HECW1: variants seen among roughly 807,000 people sequenced by gnomAD.
HECW1 encodes the protein E3 ubiquitin-protein ligase HECW1.
Under a neutral mutation model 182.3 loss-of-function variants are expected in HECW1, and 61 were observed. The ratio of observed to expected loss-of-function variants is 0.33; its 90% CI spans 0.27 to 0.41. HECW1 has a LOEUF of 0.41. Among genes scored for constraint, HECW1 ranks in the 10% least tolerant of loss-of-function variants. The probability of loss-of-function intolerance (pLI) is 1.00; values close to 1 mark genes in which losing one functional copy is unlikely to be tolerated. For synonymous variants in HECW1, 859 were observed against 832.6 expected (o/e 1.03, Z -0.55); for missense variants, 1,739 against 2,108.9 (o/e 0.82, Z 3.44).
chr7:43,372,995 T>C (rs1043563481), intron 6 of HECW1, among the ~76,000 whole-genome samples: 5 of 152,130 alleles, frequency 3.3e-5, no homozygotes, highest in Admixed American at 1.3e-4. Context: ...CTGAAACCCA[T>C]GATTTAATTA....
intron 3 of HECW1, among the ~76,000 whole-genome samples, chr7:43,269,454 C>T (rs2152739779): frequency 6.6e-6 from 1 of 152,332 alleles, no homozygotes; most frequent in East Asian, 1.9e-4. Context: ...ACGCCCATGG[C>T]ATTTCACTAA....
chr7:43,207,624 C>A (rs1795610222), intron 2 of HECW1: 1 of 152,160 alleles, frequency 6.6e-6, no homozygotes, highest in Non-Finnish European at 1.5e-5. Context: ...TCTCCCTATC[C>A]TTCCCTCCCC....
At chr7:43,119,473 C>T (rs185345878) in intron 2 of HECW1, among the ~76,000 whole-genome samples, 112 of 152,270 alleles carry the variant, frequency 7.4e-4, no homozygotes, top group African/African-American at 2.4e-3. Flanking sequence ...CCTTTAAATG[C>T]GGGTACGGGG....
At position 43,254,259 on chromosome 7, in the gene HECW1, TC is replaced by T. The variant is rs57637215; in HGVS notation, c.27+10329del. Reference sequence around the variant, plus strand: ...GACCAAACACAGAAGATCTTTTTTTTCCAGTGGAGAATCAATGACCACTGAG... The same window carrying T: ...GACCAAACACAGAAGATCTTTTTTTTCAGTGGAGAATCAATGACCACTGAG... On this transcript the variant is annotated intron_variant, in intron 3 of 29. Coordinates refer to ENST00000395891, the MANE Select transcript of HECW1 (RefSeq NM_015052.5). Among the ~76,000 whole-genome samples the T allele has an allele frequency of 2.1e-3, 317 of 152,308 alleles. 1 individual carries two copies. The highest frequency in any genetic ancestry group is 6.7e-3 in the African/African-American group (279 of 41,556).
At chr7:43,297,509 G>A (rs890731845) in intron 3 of HECW1, among the ~76,000 whole-genome samples, 1 of 152,184 alleles carries the variant, frequency 6.6e-6, no homozygotes, top group Non-Finnish European at 1.5e-5. Flanking sequence ...GGAGAAGAGT[G>A]GTTCAGGCAC....
At chr7:43,494,955 G>A (rs191063398) in intron 19 of HECW1, among the ~76,000 whole-genome samples, 3 of 152,164 alleles carry the variant, frequency 2.0e-5, no homozygotes, top group East Asian at 3.9e-4. Flanking sequence ...TTGTCTTTCC[G>A]GGAATGACTT....
intron 8 of HECW1, among the ~76,000 whole-genome samples, chr7:43,434,899 G>A (rs1345557746): frequency 4.6e-5 from 7 of 152,110 alleles, no homozygotes; most frequent in Non-Finnish European, 7.4e-5. Flanking sequence ...GTTTTTCCTT[G>A]TGAAAATAAT....
chr7:43,462,118 G>A (rs1404975477), intron 13 of HECW1, among the ~76,000 whole-genome samples: 2 of 152,164 alleles, frequency 1.3e-5, no homozygotes, highest in African/African-American at 2.4e-5. Flanking sequence ...TGTGCAGCGA[G>A]CATCCCCGTG....
At chr7:43,224,453 G>A (rs1797248660) in intron 2 of HECW1, among the ~76,000 whole-genome samples, 1 of 152,188 alleles carries the variant, frequency 6.6e-6, no homozygotes, top group Admixed American at 6.5e-5. Context: ...TGTGGCATTT[G>A]TACTTGTGCA....
At chr7:43,235,759 G>A (rs1798274172) in intron 2 of HECW1, among the ~76,000 whole-genome samples, 1 of 152,094 alleles carries the variant, frequency 6.6e-6, no homozygotes, top group Non-Finnish European at 1.5e-5. Context: ...CATCTTGGTG[G>A]GGAGTCCTGA....
chr7:43,513,917 C>T (rs2152932133), intron 24 of HECW1, among the ~76,000 whole-genome samples: 1 of 152,324 alleles, frequency 6.6e-6, no homozygotes, highest in Middle Eastern at 3.4e-3. Flanking sequence ...CACCCATGGA[C>T]ACTGTGGTCA....
chr7:43,155,478 T>C (rs896428229), intron 2 of HECW1, among the ~76,000 whole-genome samples: 1 of 152,186 alleles, frequency 6.6e-6, no homozygotes, highest in Non-Finnish European at 1.5e-5. Context: ...GGAAAACAAA[T>C]TCATCTTATA....
intron 2 of HECW1, among the ~76,000 whole-genome samples, chr7:43,166,232 C>A (rs1340574385): frequency 7.9e-5 from 12 of 152,164 alleles, no homozygotes; most frequent in Non-Finnish European, 1.5e-4. Context: ...TACAGGCACC[C>A]ACCACCACAG....
rs181061831 is a variant in HECW1 at position 43,503,643 on chromosome 7, G to A, written c.3631+2321G>A. Among the ~76,000 whole-genome samples, 26 of 152,234 alleles carry A rather than the reference G, an allele frequency of 1.7e-4. No homozygotes were observed. The East Asian group carries it at 5.0e-3, about 29-fold the overall frequency. ...CTCTAGCATTGACCACAGGGTCCTA[G>A]AATATGTAATCCAAATACGTTGATT... On this transcript the variant is annotated intron_variant, in intron 21 of 29. Coordinates refer to ENST00000395891, the MANE Select transcript of HECW1 (RefSeq NM_015052.5).
rs75848164 is a variant in HECW1 at position 43,254,143 on chromosome 7, A to G, written c.27+10211A>G. Among the ~76,000 whole-genome samples, 796 of 152,334 alleles carry G rather than the reference A, an allele frequency of 5.2e-3. 4 individuals carry two copies. Among genetic ancestry groups the G allele is most frequent in the East Asian group, 0.021 (110 of 5,184 alleles). On this transcript the variant is annotated intron_variant, in intron 3 of 29. Transcript: ENST00000395891. ...TGATTGACTGGTAATGAATATCCCC[A>G]GATTAGATGAACAATTGCCTGGGAA...
At chr7:43,481,561 CTTGCATTACCTG>C (rs2078434647) in intron 17 of HECW1, among the ~76,000 whole-genome samples, 1 of 152,210 alleles carries the variant, frequency 6.6e-6, no homozygotes, top group Non-Finnish European at 1.5e-5. Flanking sequence ...ATGGACACCA[CTTGCATTACCTG>C]TTTTAAAACA....
At position 43,545,956 on chromosome 7, in the gene HECW1, G is replaced by A. The variant is rs2081542681; in HGVS notation, c.4248+3958G>A. 3.9e-5 allele frequency among the ~76,000 whole-genome samples: 6 copies of A among 152,020 alleles called. No homozygotes were observed. In the South Asian group the frequency reaches 1.0e-3, roughly 26 times the overall value. ...TATATAGTACCAATCCTTTGCTTTA[G>A]TTTCAGTGCCCATATCTAGAAAGGT... On this transcript the variant is annotated intron_variant, in intron 26 of 29. Coordinates refer to ENST00000395891, the MANE Select transcript of HECW1 (RefSeq NM_015052.5).
chr7:43,544,593 A>ACG (rs1469647636), intron 26 of HECW1, among the ~76,000 whole-genome samples: 1 of 104,082 alleles, frequency 9.6e-6, no homozygotes, highest in Non-Finnish European at 2.2e-5. Flanking sequence ...TTGACTCAGC[A>ACG]CACGTCTAGA....
intron 5 of HECW1, among the ~76,000 whole-genome samples, chr7:43,343,711 G>T (rs762970048): frequency 2.8e-4 from 43 of 151,908 alleles, no homozygotes; most frequent in Admixed American, 5.2e-4. Context: ...ATTGTGAATA[G>T]TGCCGCAATA....
Sources: allele counts gnomAD v4.1 joint callset (sites outside exome capture counted in the v4.1 genomes callset), GRCh38; gene constraint gnomAD v4.1.1; transcripts MANE v1.5; gene names NCBI Gene and HGNC (gene_info 2026-07-23, HGNC 2026-07-21).